The following GREM2 variants were observed in gnomAD, a reference collection of about 807,000 sequenced individuals.
The protein encoded by GREM2 is gremlin-2.
Under a neutral mutation model 14.2 loss-of-function variants are expected in GREM2, and 11 were observed. The ratio of observed to expected loss-of-function variants is 0.78; its 90% CI spans 0.49 to 1.28. GREM2 has a LOEUF of 1.28. Among genes scored for constraint, GREM2 ranks in the 50% most tolerant of loss-of-function variants. GREM2 has a pLI of 0.00. For synonymous variants in GREM2, 98 were observed against 97.6 expected, an observed-to-expected ratio of 1.00 and a Z score of -0.02; for missense variants, 210 against 218.5, an observed-to-expected ratio of 0.96 and a Z score of 0.24.
chr1:240,541,691 AT>A (rs147264237), intron 1 of GREM2, among the ~76,000 whole-genome samples: 11 of 149,576 alleles, frequency 7.4e-5, no homozygotes, highest in South Asian at 6.4e-4. Flanking sequence ...CATGGTAAGA[AT>A]TTTTTTTTTG....
intron 1 of GREM2, among the ~76,000 whole-genome samples, chr1:240,523,273 T>C (rs1418956594): frequency 6.6e-6 from 1 of 152,170 alleles, no homozygotes; most frequent in East Asian, 1.9e-4. Context: ...TATAATCAGT[T>C]TCTGATCATC....
intron 1 of GREM2, among the ~76,000 whole-genome samples, chr1:240,547,532 T>TATATATATATATAGACAG (rs1187770486): frequency 2.5e-5 from 3 of 121,878 alleles, no homozygotes; most frequent in Admixed American, 8.1e-5. Context: ...TATATATATA[T>TATATATATATATAGACAG]ATAGATAGAT....
Position 240,585,729 on chromosome 1 carries a change from C to CA in GREM2, c.-2+26154dup, listed in dbSNP as rs370321961. Among the ~76,000 whole-genome samples, 423 of 67,606 alleles carry CA rather than the reference C, an allele frequency of 6.3e-3. 10 individuals are homozygous for CA. Among genetic ancestry groups the CA allele is most frequent in the Non-Finnish European group, 8.0e-3 (238 of 29,574 alleles). 44.4% of individuals were successfully genotyped at this position (67,606 alleles called of 152,430 possible). A position where few individuals can be genotyped will look rare whatever the true frequency, so the allele number is the denominator to read the frequency against. ...TAGGTGACAGAGAGAGACTCCATCT[C>CA]AAAAAAAAAAAAAAAAAAAAAAAAA... On this transcript the variant is annotated intron_variant, in intron 1 of 1. Transcript: ENST00000318160.
chr1:240,517,520 T>C (rs1449333820), intron 1 of GREM2, among the ~76,000 whole-genome samples: 1 of 152,244 alleles, frequency 6.6e-6, no homozygotes, highest in East Asian at 1.9e-4. Flanking sequence ...ATGGGAATTA[T>C]AGTTGTGATG....
rs548637109 is a variant in GREM2, at chr1:240,542,107, G to C, written c.-1-48631C>G. The stretch of plus-strand genomic sequence containing the variant: ...GACGGCTGCTACTGAAATCTAGAAG[G>C]TCGAGGCCAAGGAGGATGCCGAACA... On this transcript the variant is annotated intron_variant, in intron 1 of 1. Coordinates refer to ENST00000318160, the MANE Select transcript of GREM2 (RefSeq NM_022469.4). This position sits in a 1 kb window ranked among gnomAD's most constrained non-coding sequence, Gnocchi z 4.1. Among the ~76,000 whole-genome samples the C allele has an allele frequency of 6.6e-6, 1 of 152,102 alleles. No homozygotes were observed. Among genetic ancestry groups the C allele is most frequent in the African/African-American group, 2.4e-5 (1 of 41,480 alleles).
intron 1 of GREM2, among the ~76,000 whole-genome samples, chr1:240,566,523 T>C (rs1679179280): frequency 6.6e-6 from 1 of 152,094 alleles, no homozygotes; most frequent in Non-Finnish European, 1.5e-5. Context: ...GAGATCGAGG[T>C]AACTGGAGTT....
rs370321961 is a variant in GREM2, at chr1:240,585,729, CAAAAAAAAAAAA to C, written c.-2+26143_-2+26154del. Among the ~76,000 whole-genome samples, 17 of 67,832 alleles carry C rather than the reference CAAAAAAAAAAAA, an allele frequency of 2.5e-4. No individual in the cohort carries two copies. In the South Asian group the frequency reaches 4.7e-3, roughly 19 times the overall value. The allele number at this position is 67,832 out of a possible 152,430, so 44.5% of individuals were successfully genotyped here. ...TAGGTGACAGAGAGAGACTCCATCT[CAAAAAAAAAAAA>C]AAAAAAAAAAAAAAAGAGAAAGAAA... On this transcript the variant is annotated intron_variant, in intron 1 of 1. Coordinates refer to ENST00000318160, the MANE Select transcript of GREM2 (RefSeq NM_022469.4).
intron 1 of GREM2, among the ~76,000 whole-genome samples, chr1:240,554,190 C>T (rs1227662425): frequency 6.6e-6 from 1 of 152,094 alleles, no homozygotes; most frequent in Non-Finnish European, 1.5e-5. Context: ...GCAGGCAGAT[C>T]ACCTGAGCTC....
At chr1:240,515,207 C>A (rs1677927893) in intron 1 of GREM2, among the ~76,000 whole-genome samples, 1 of 152,144 alleles carries the variant, frequency 6.6e-6, no homozygotes, top group Admixed American at 6.5e-5. Context: ...TGCAATTGTG[C>A]CATTAAGCTT....
At chr1:240,595,423 C>G (rs1679801583) in intron 1 of GREM2, among the ~76,000 whole-genome samples, 1 of 152,180 alleles carries the variant, frequency 6.6e-6, no homozygotes, top group African/African-American at 2.4e-5. Context: ...TTCATCCCCT[C>G]CCCATGCACC....
At chr1:240,535,302 T>C (rs886161274) in intron 1 of GREM2, among the ~76,000 whole-genome samples, 2 of 152,128 alleles carry the variant, frequency 1.3e-5, no homozygotes, top group African/African-American at 4.8e-5. Context: ...TTATCCATAG[T>C]TGTGTTGTTA....
chr1:240,505,525 ATTAC>A (rs1179111539), intron 1 of GREM2, among the ~76,000 whole-genome samples: 4 of 152,242 alleles, frequency 2.6e-5, no homozygotes, highest in South Asian at 2.1e-4. Context: ...GTATTTAATA[ATTAC>A]TTACTAAATT....
chr1:240,551,411 C>A (rs766095681), intron 1 of GREM2, among the ~76,000 whole-genome samples: 82 of 152,270 alleles, frequency 5.4e-4, no homozygotes, highest in Non-Finnish European at 1.1e-3. Flanking sequence ...TGCAATGGCG[C>A]AATCTCGGCC....
intron 1 of GREM2, among the ~76,000 whole-genome samples, chr1:240,552,108 T>C (rs1298331693): frequency 4.6e-5 from 7 of 152,204 alleles, no homozygotes; most frequent in African/African-American, 1.7e-4. Context: ...CTTGTAGCAG[T>C]AATATTACGA....
intron 1 of GREM2, among the ~76,000 whole-genome samples, chr1:240,590,239 C>G (rs1679680403): frequency 6.6e-6 from 1 of 152,164 alleles, no homozygotes; most frequent in Admixed American, 6.5e-5. Flanking sequence ...TTCACATACA[C>G]TAACATCAGA....
intron 1 of GREM2, among the ~76,000 whole-genome samples, chr1:240,585,922 G>A (rs1325884624): frequency 4.0e-5 from 6 of 151,400 alleles, no homozygotes; most frequent in Non-Finnish European, 8.8e-5. Flanking sequence ...TGCATCTGAT[G>A]AGTTGCATCT....
At chr1:240,564,008 A>G (rs1263999479) in intron 1 of GREM2, among the ~76,000 whole-genome samples, 1 of 152,098 alleles carries the variant, frequency 6.6e-6, no homozygotes, top group Non-Finnish European at 1.5e-5. Flanking sequence ...CCAGGAGTTC[A>G]AGGCCAGCCT....
intron 1 of GREM2, among the ~76,000 whole-genome samples, chr1:240,557,230 A>G (rs1678965444): frequency 6.6e-6 from 1 of 151,782 alleles, no homozygotes; most frequent in African/African-American, 2.4e-5. Flanking sequence ...TAAAAAATAA[A>G]TAAAACGAAT....
chr1:240,573,030 T>C (rs1679288694), intron 1 of GREM2, among the ~76,000 whole-genome samples: 1 of 152,158 alleles, frequency 6.6e-6, no homozygotes, highest in African/African-American at 2.4e-5. Flanking sequence ...ACTGGAATGA[T>C]GCAAAGTGAG....
Sources: gnomAD v4.1 joint callset for allele counts (sites outside exome capture counted in the v4.1 genomes callset) on GRCh38, gnomAD v4.1.1 for gene constraint, Gnocchi (gnomAD v3.1) non-coding constraint, MANE v1.5 for transcripts, NCBI Gene and HGNC (gene_info 2026-07-23, HGNC 2026-07-21) for gene names.